Variants in LURAP1L observed in about 807,000 individuals in gnomAD.
LURAP1L encodes the protein leucine rich adaptor protein 1 like, also known as leucine rich adaptor protein 1-like.
A neutral mutation model predicts 13.8 loss-of-function variants in LURAP1L; 12 were observed. The observed-to-expected ratio is 0.87, with a 90% confidence interval of 0.56 to 1.41. The LOEUF (loss-of-function observed/expected upper bound fraction) is 1.41. LURAP1L is among the 40% of genes most tolerant of loss of function. The pLI is 0.00. For synonymous variants in LURAP1L, 139 were observed against 119.2 expected (o/e 1.17, Z -1.08); for missense variants, 375 against 292.9 (o/e 1.28, Z -2.04).
intron 1 of LURAP1L, among the ~76,000 whole-genome samples, chr9:12,785,741 T>C (rs1288349998): frequency 6.6e-6 from 1 of 152,202 alleles, no homozygotes; most frequent in East Asian, 1.9e-4. Context: ...TGCTAGGAGA[T>C]GGAGGAGGGG....
At chr9:12,799,566 A>G (rs1017268916) in intron 1 of LURAP1L, among the ~76,000 whole-genome samples, 3 of 152,174 alleles carry the variant, frequency 2.0e-5, no homozygotes, top group Non-Finnish European at 4.4e-5. Flanking sequence ...ATATTTCAAC[A>G]TCCTTGAATG....
chr9:12,780,953 T>C (rs1819261154), intron 1 of LURAP1L, among the ~76,000 whole-genome samples: 1 of 152,074 alleles, frequency 6.6e-6, no homozygotes, highest in Admixed American at 6.6e-5. Flanking sequence ...AAATATACTC[T>C]TTTAGTTATT....
At chr9:12,806,975 C>T (rs1004290625) in intron 1 of LURAP1L, among the ~76,000 whole-genome samples, 28 of 142,312 alleles carry the variant, frequency 2.0e-4, no homozygotes, top group African/African-American at 6.3e-4. Context: ...TCTAAACCAT[C>T]GCGCCACTGC....
chr9:12,810,333 G>A (rs1819719669), intron 1 of LURAP1L, among the ~76,000 whole-genome samples: 1 of 152,146 alleles, frequency 6.6e-6, no homozygotes, highest in Admixed American at 6.5e-5. Context: ...AAGGCCTTCT[G>A]CTTCCAGTTT....
chr9:12,815,744 G>A (rs1180272148), intron 1 of LURAP1L, among the ~76,000 whole-genome samples: 1 of 152,080 alleles, frequency 6.6e-6, no homozygotes, highest in East Asian at 1.9e-4. Context: ...CAAGGCTCCA[G>A]AAAGGCAAAA....
At chr9:12,787,633 G>T (rs1819375657) in intron 1 of LURAP1L, among the ~76,000 whole-genome samples, 1 of 152,038 alleles carries the variant, frequency 6.6e-6, no homozygotes. Context: ...GCACTTCTCT[G>T]GCTCTCAAAG....
rs181928746 is a variant in LURAP1L at position 12,805,443 on chromosome 9, A to C, written c.313-15943A>C. On this transcript the variant is annotated intron_variant, in intron 1 of 1. Coordinates refer to ENST00000319264, the MANE Select transcript of LURAP1L (RefSeq NM_203403.2). ...AATAGTGGTGAAAGGTTTTTTTCTC[A>C]GTTAAATACACAACCACCTACAGGA... Among the ~76,000 whole-genome samples the C allele has an allele frequency of 1.8e-3, 269 of 152,246 alleles. 2 individuals carry two copies. The highest frequency in any genetic ancestry group is 6.3e-3 in the African/African-American group (261 of 41,552).
intron 1 of LURAP1L, among the ~76,000 whole-genome samples, chr9:12,792,605 C>T (rs568388865): frequency 6.6e-6 from 1 of 152,128 alleles, no homozygotes; most frequent in African/African-American, 2.4e-5. Context: ...GTTGCTTTGT[C>T]AAGGAAGTGA....
At chr9:12,803,680 A>G (rs1465955729) in intron 1 of LURAP1L, among the ~76,000 whole-genome samples, 2 of 152,346 alleles carry the variant, frequency 1.3e-5, no homozygotes, top group African/African-American at 4.8e-5. Context: ...CTAAATTAGA[A>G]AAGGAAATTG....
chr9:12,814,645 G>A (rs1047855508), intron 1 of LURAP1L, among the ~76,000 whole-genome samples: 32 of 152,106 alleles, frequency 2.1e-4, no homozygotes, highest in African/African-American at 3.1e-4. Context: ...CCTGGTGGCC[G>A]GAATTTATGC....
chr9:12,782,713 G>T (rs890733096), intron 1 of LURAP1L, among the ~76,000 whole-genome samples: 4 of 152,032 alleles, frequency 2.6e-5, no homozygotes, highest in Admixed American at 6.6e-5. Flanking sequence ...GTTCTTTTCT[G>T]ATCCCATATA....
At chr9:12,820,287 G>A (rs1430082901) in intron 1 of LURAP1L, among the ~76,000 whole-genome samples, 1 of 151,996 alleles carries the variant, frequency 6.6e-6, no homozygotes, top group Non-Finnish European at 1.5e-5. Flanking sequence ...GGCGGATCAC[G>A]CGGTCAAGAG....
Position 12,822,031 on chromosome 9 carries a change from C to G in LURAP1L, c.*271C>G. 1 of 331,294 alleles carries G rather than the reference C, an allele frequency of 3.0e-6. No homozygotes were observed. Among genetic ancestry groups the G allele is most frequent in the Non-Finnish European group, 5.5e-6 (1 of 183,162 alleles). The allele number at this position is 331,294 out of a possible 1,614,324, so 20.5% of individuals were successfully genotyped here. ...AACAAAGTAGGGGGAAAAGAATAAG[C>G]AATAATTATGTTTTTGCTTTTGTTT... On this transcript the variant is annotated 3_prime_UTR_variant, in exon 2 of 2. Transcript: ENST00000319264.
intron 1 of LURAP1L, among the ~76,000 whole-genome samples, chr9:12,808,254 G>A (rs1586885086): frequency 6.6e-6 from 1 of 151,948 alleles, no homozygotes; most frequent in East Asian, 1.9e-4. Flanking sequence ...TGCAAGGCAA[G>A]TCTACTGGTG....
intron 1 of LURAP1L, among the ~76,000 whole-genome samples, chr9:12,802,407 G>A (rs1303926396): frequency 6.6e-6 from 1 of 152,058 alleles, no homozygotes; most frequent in African/African-American, 2.4e-5. Context: ...GAGTTCTCCT[G>A]AGATCTGGTC....
Position 12,813,161 on chromosome 9 carries a change from C to A in LURAP1L, c.313-8225C>A, listed in dbSNP as rs75342746. Among the ~76,000 whole-genome samples, 1,080 of 152,234 alleles carry A rather than the reference C, an allele frequency of 7.1e-3. 18 individuals carry two copies. Among genetic ancestry groups the A allele is most frequent in the African/African-American group, 0.025 (1,028 of 41,558 alleles). Reference sequence around the variant, plus strand: ...CTCAATGGTACACTGAAGCTAATATCTACTGAGATGTGTGAGCTTTTTGTT... The same window carrying A: ...CTCAATGGTACACTGAAGCTAATATATACTGAGATGTGTGAGCTTTTTGTT... On this transcript the variant is annotated intron_variant, in intron 1 of 1. Transcript: ENST00000319264.
chr9:12,783,631 A>C (rs1221464659), intron 1 of LURAP1L, among the ~76,000 whole-genome samples: 1 of 152,002 alleles, frequency 6.6e-6, no homozygotes, highest in Non-Finnish European at 1.5e-5. Context: ...TTTTTGCATC[A>C]ATGTTTATCA....
At chr9:12,780,835 T>C (rs1819259496) in intron 1 of LURAP1L, among the ~76,000 whole-genome samples, 1 of 152,142 alleles carries the variant, frequency 6.6e-6, no homozygotes, top group Admixed American at 6.5e-5. Context: ...TTAATCTTAC[T>C]CCTCCCCATT....
At chr9:12,820,060 GAACA>G (rs1195209909) in intron 1 of LURAP1L, among the ~76,000 whole-genome samples, 178 of 152,294 alleles carry the variant, frequency 1.2e-3, no homozygotes, top group Non-Finnish European at 6.0e-4. Flanking sequence ...TGTTCCAACA[GAACA>G]ATCATGGGAG....
Sources: gnomAD v4.1 joint callset for allele counts (sites outside exome capture counted in the v4.1 genomes callset) on GRCh38, gnomAD v4.1.1 for gene constraint, MANE v1.5 for transcripts, NCBI Gene and HGNC (gene_info 2026-07-23, HGNC 2026-07-21) for gene names.